The following INPP4A variants were observed in gnomAD, a reference collection of about 807,000 sequenced individuals.
INPP4A encodes inositol polyphosphate-4-phosphatase type I A.
Under a neutral mutation model 119.8 loss-of-function variants are expected in INPP4A, and 33 were observed. The ratio of observed to expected loss-of-function variants is 0.28; its 90% CI spans 0.21 to 0.37. The LOEUF (loss-of-function observed/expected upper bound fraction) is 0.37. Ranked by LOEUF, INPP4A falls within the 10% of genes least tolerant of loss-of-function variation. INPP4A has a pLI of 1.00. For missense variants in INPP4A, 956 were observed against 1,289.9 expected, an observed-to-expected ratio of 0.74 and a Z score of 3.97; for synonymous variants, 496 against 500.7, an observed-to-expected ratio of 0.99 and a Z score of 0.12.
Position 98,590,575 on chromosome 2 carries a change from A to G in INPP4A, c.*2967A>G, listed in dbSNP as rs963848921. 11 of 198,600 alleles carry G rather than the reference A, an allele frequency of 5.5e-5. No homozygotes were observed. Among genetic ancestry groups the G allele is most frequent in the Non-Finnish European group, 9.3e-5 (9 of 96,292 alleles). The allele number at this position is 198,600 out of a possible 1,614,324, so 12.3% of individuals were successfully genotyped here. Reference sequence around the variant, plus strand: ...TGTTGTTACCTTCCCGTCTGTGAACATGGATCACATCATCTCTGTGGGTAA... The same window carrying G: ...TGTTGTTACCTTCCCGTCTGTGAACGTGGATCACATCATCTCTGTGGGTAA... On this transcript the variant is annotated 3_prime_UTR_variant, in exon 25 of 25. Coordinates refer to ENST00000409851, the MANE Select transcript of INPP4A (RefSeq NM_001134225.2).
At chr2:98,540,081 G>A (rs751913187) in intron 10 of INPP4A, among the ~76,000 whole-genome samples, 5 of 152,178 alleles carry the variant, frequency 3.3e-5, no homozygotes, top group East Asian at 1.9e-4. Flanking sequence ...ACAGGTGTGC[G>A]CCACCAGGCC....
At position 98,568,834 on chromosome 2, in the gene INPP4A, C is replaced by T. The variant is rs548806183; in HGVS notation, c.2518+166C>T. 3 of 588,234 alleles carry T rather than the reference C, an allele frequency of 5.1e-6. No individual in the cohort carries two copies. In the South Asian group the frequency reaches 6.3e-5, roughly 12 times the overall value. 36.4% of individuals were successfully genotyped at this position (588,234 alleles called of 1,614,324 possible). A position where few individuals can be genotyped will look rare whatever the true frequency, so the allele number is the denominator to read the frequency against. ...CACGCAGAGAGAGAGAGAGAAGCTT[C>T]CCTTGGCTGTGGCCCTCATTCATCT... On this transcript the variant is annotated intron_variant, in intron 22 of 24. Transcript: ENST00000409851.
chr2:98,515,781 C>T (rs1231285397), intron 1 of INPP4A, among the ~76,000 whole-genome samples: 1 of 152,170 alleles, frequency 6.6e-6, no homozygotes, highest in Non-Finnish European at 1.5e-5. Context: ...GAAGGCCTTG[C>T]CACCTCACTA....
At chr2:98,483,878 C>G (rs952967624) in intron 1 of INPP4A, among the ~76,000 whole-genome samples, 1 of 152,146 alleles carries the variant, frequency 6.6e-6, no homozygotes, top group African/African-American at 2.4e-5. Context: ...GTCCGGTCTT[C>G]CTCTCCACCC....
At chr2:98,512,899 A>G (rs1193118616) in intron 1 of INPP4A, among the ~76,000 whole-genome samples, 1 of 152,152 alleles carries the variant, frequency 6.6e-6, no homozygotes, top group East Asian at 1.9e-4. Context: ...TTCCTGCAGC[A>G]TGTGGCCTTT....
At chr2:98,522,211 C>T (rs1687340636) in intron 4 of INPP4A, among the ~76,000 whole-genome samples, 1 of 149,388 alleles carries the variant, frequency 6.7e-6, no homozygotes, top group East Asian at 2.0e-4. Context: ...CGCTTGAAGC[C>T]AGGAGGCGGA....
At chr2:98,488,061 TATTC>T (rs1489019952) in intron 1 of INPP4A, among the ~76,000 whole-genome samples, 1 of 152,130 alleles carries the variant, frequency 6.6e-6, no homozygotes, top group Non-Finnish European at 1.5e-5. Flanking sequence ...AGTACTAGGG[TATTC>T]ATTGTGTTGC....
upstream of INPP4A, among the ~76,000 whole-genome samples, chr2:98,444,671 G>A (rs1165090833): frequency 3.3e-5 from 5 of 152,242 alleles, no homozygotes; most frequent in African/African-American, 1.2e-4. Context: ...GCAGTCACAG[G>A]ATAGGGTGGG....
rs1478204814 is a variant in INPP4A, at chr2:98,552,867, C to G, written c.1245C>G (p.Thr415=). 6.2e-7 allele frequency: 1 copy of G among 1,613,714 alleles called. No homozygotes were observed. Among genetic ancestry groups the G allele is most frequent in the African/African-American group, 1.3e-5 (1 of 74,900 alleles). Residue 415 remains threonine (T), a synonymous_variant, in exon 14 of 25, where the codon ACC becomes ACG. Transcript: ENST00000409851. ...RAKEIIAQIN[T]LKTQVSYYAE... is the part of the protein sequence containing the mutation. ...AGGAGATCATCGCCCAGATCAACAC[C>G]CTGAAAACCCAAGTGAGTTACTACG... is the stretch of plus-strand genomic sequence containing the variant.
intron 23 of INPP4A, among the ~76,000 whole-genome samples, chr2:98,575,134 G>A (rs1382113768): frequency 6.6e-6 from 1 of 152,228 alleles, no homozygotes; most frequent in African/African-American, 2.4e-5. Flanking sequence ...TTGTGTGTAT[G>A]AATAAAGGGT....
At chr2:98,481,152 A>G (rs530670947) in intron 1 of INPP4A, among the ~76,000 whole-genome samples, 4 of 152,224 alleles carry the variant, frequency 2.6e-5, no homozygotes, top group Non-Finnish European at 4.4e-5. Context: ...TAATCAGAGC[A>G]CTGTGAACTT....
At chr2:98,543,383 A>T (rs1480153721) in intron 10 of INPP4A, among the ~76,000 whole-genome samples, 1 of 152,198 alleles carries the variant, frequency 6.6e-6, no homozygotes, top group African/African-American at 2.4e-5. Flanking sequence ...CCTGGGAGGC[A>T]ATGAGAAGCG....
At chr2:98,460,095 G>T (rs989393197) in intron 1 of INPP4A, among the ~76,000 whole-genome samples, 1 of 144,920 alleles carries the variant, frequency 6.9e-6, no homozygotes, top group Admixed American at 7.2e-5. Flanking sequence ...TTTGGGTTTG[G>T]TCATCGTGTG....
At chr2:98,485,629 C>G (rs889386405) in intron 1 of INPP4A, among the ~76,000 whole-genome samples, 2 of 152,066 alleles carry the variant, frequency 1.3e-5, no homozygotes, top group African/African-American at 4.8e-5. Context: ...GGTGAGAACC[C>G]AGCTGAGAGT....
Position 98,541,779 on chromosome 2 carries a change from C to T in INPP4A, c.819-2098C>T, listed in dbSNP as rs559969728. ...TTTTCATTTGTTGTAGAGACAGGGTCTTGCTGTGTTGCCTAGGCTGGTCCC... is the reference window on the plus strand; with the variant it reads ...TTTTCATTTGTTGTAGAGACAGGGTTTTGCTGTGTTGCCTAGGCTGGTCCC... On this transcript the variant is annotated intron_variant, in intron 10 of 24. Coordinates refer to ENST00000409851, the MANE Select transcript of INPP4A (RefSeq NM_001134225.2). 6.6e-5 allele frequency among the ~76,000 whole-genome samples: 10 copies of T among 152,316 alleles called. No individual in the cohort carries two copies. The East Asian group carries it at 1.9e-3, about 29-fold the overall frequency.
intron 17 of INPP4A, among the ~76,000 whole-genome samples, chr2:98,562,160 A>G (rs1210835808): frequency 1.3e-5 from 2 of 152,160 alleles, no homozygotes; most frequent in Admixed American, 1.3e-4. Flanking sequence ...TCTGCTGTGG[A>G]CTTGCTAAAT....
chr2:98,467,792 GTTATCTATTAGTTATAGATAA>G (rs1290165765), intron 1 of INPP4A, among the ~76,000 whole-genome samples: 12 of 152,222 alleles, frequency 7.9e-5, no homozygotes, highest in Non-Finnish European at 1.6e-4. Context: ...GAGTTGAATA[GTTATCTATTAGTTATAGATAA>G]TTATCTATTA....
intron 4 of INPP4A, among the ~76,000 whole-genome samples, chr2:98,527,398 A>G (rs900934130): frequency 9.9e-5 from 15 of 152,208 alleles, no homozygotes; most frequent in African/African-American, 3.1e-4. Context: ...ATTTTTTAAC[A>G]TTGCAGCTGC....
chr2:98,458,154 A>G (rs570646546), intron 1 of INPP4A, among the ~76,000 whole-genome samples: 6 of 152,202 alleles, frequency 3.9e-5, no homozygotes, highest in Admixed American at 3.3e-4. Flanking sequence ...AGCCTGGGCA[A>G]AATAGTGAAA....
Sources: allele counts gnomAD v4.1 joint callset (sites outside exome capture counted in the v4.1 genomes callset), GRCh38; gene constraint gnomAD v4.1.1; transcripts MANE v1.5; gene names NCBI Gene and HGNC (gene_info 2026-07-23, HGNC 2026-07-21).